Variants in OR51B5 observed in about 807,000 individuals in gnomAD.
The protein encoded by OR51B5 is olfactory receptor 51B5.
For missense variants in OR51B5, 456 were observed against 374.6 expected (o/e 1.22, Z -1.79); for synonymous variants, 186 against 144.8 (o/e 1.28, Z -2.04).
chr11:5,478,161 T>A (rs920851608), intron 1 of OR51B5, among the ~76,000 whole-genome samples: 1 of 151,760 alleles, frequency 6.6e-6, no homozygotes, highest in Non-Finnish European at 1.5e-5. Context: ...CAGCTGGAGA[T>A]CTGAGAACGG....
At chr11:5,481,840 T>C (rs1237921994) in intron 1 of OR51B5, among the ~76,000 whole-genome samples, 1 of 139,480 alleles carries the variant, frequency 7.2e-6, no homozygotes, top group Non-Finnish European at 1.5e-5. Flanking sequence ...AAACCACTGC[T>C]CAAGGAAATA....
chr11:5,451,451 A>C (rs1850846753), intron 1 of OR51B5, among the ~76,000 whole-genome samples: 1 of 152,226 alleles, frequency 6.6e-6, no homozygotes, highest in South Asian at 2.1e-4. Flanking sequence ...GACAAACATC[A>C]GTTCTGGATC....
At chr11:5,473,542 A>G (rs1851260656) in intron 1 of OR51B5, among the ~76,000 whole-genome samples, 1 of 152,216 alleles carries the variant, frequency 6.6e-6, no homozygotes, top group South Asian at 2.1e-4. Context: ...TGTGAGAACA[A>G]TATTTATTTA....
Position 5,492,370 on chromosome 11 carries a change from A to G in OR51B5, n.84+13199T>C, listed in dbSNP as rs140881567. ...CTTCCATCTCACTCCATGTTATTTG[A>G]CTTTATTGTGATGTGCTAACAATGG... is the stretch of plus-strand genomic sequence containing the variant. On this transcript the variant is annotated intron_variant and non_coding_transcript_variant, in intron 1 of 4. Coordinates refer to the OR51B5 transcript ENST00000415970. 5.6e-3 allele frequency among the ~76,000 whole-genome samples: 846 copies of G among 152,216 alleles called. 10 individuals are homozygous for G. The highest frequency in any genetic ancestry group is 0.019 in the African/African-American group (796 of 41,526).
At chr11:5,343,705 T>C (rs1226922197), upstream of OR51B5, 2 of 505,482 alleles carry the variant, frequency 4.0e-6, no homozygotes, top group African/African-American at 1.9e-5. Flanking sequence ...ACTATTTGTA[T>C]TCTTAACTGC....
At chr11:5,359,814 G>A (rs1332731590) in intron 1 of OR51B5, among the ~76,000 whole-genome samples, 2 of 151,856 alleles carry the variant, frequency 1.3e-5, no homozygotes, top group Admixed American at 6.6e-5. Context: ...CAATGGAACA[G>A]AACAGAGGCC....
intron 1 of OR51B5, among the ~76,000 whole-genome samples, chr11:5,371,260 G>T (rs547019044): frequency 3.7e-4 from 56 of 152,204 alleles, no homozygotes; most frequent in African/African-American, 1.3e-3. Context: ...CGGATCTAGG[G>T]TCTTTCACAT....
At chr11:5,497,701 A>G (rs1851669577) in intron 1 of OR51B5, among the ~76,000 whole-genome samples, 1 of 152,280 alleles carries the variant, frequency 6.6e-6, no homozygotes. Context: ...ACAGAACATA[A>G]AGACAACTAC....
At chr11:5,358,276 A>T (rs1318079041) in intron 1 of OR51B5, among the ~76,000 whole-genome samples, 1 of 151,630 alleles carries the variant, frequency 6.6e-6, no homozygotes, top group African/African-American at 2.4e-5. Context: ...AGAGAGAAGA[A>T]TCAAATAGAT....
intron 1 of OR51B5, among the ~76,000 whole-genome samples, chr11:5,402,423 ATGG>A (rs1849984717): frequency 6.6e-6 from 1 of 152,198 alleles, no homozygotes; most frequent in Admixed American, 6.5e-5. Context: ...AAATTTCTTG[ATGG>A]TGGTCATTTG....
chr11:5,451,393 A>G (rs1381420408), intron 1 of OR51B5, among the ~76,000 whole-genome samples: 4 of 152,202 alleles, frequency 2.6e-5, no homozygotes, highest in African/African-American at 9.7e-5. Flanking sequence ...TACTTTCTAC[A>G]AGACTTTATA....
chr11:5,415,128 A>G lies in OR51B5; in HGVS notation n.85-68218T>C, dbSNP rs1850219933. 2.6e-5 allele frequency among the ~76,000 whole-genome samples: 4 copies of G among 152,206 alleles called. No individual in the cohort carries two copies. In the South Asian group the frequency reaches 6.2e-4, roughly 24 times the overall value. On this transcript the variant is annotated intron_variant and non_coding_transcript_variant, in intron 1 of 4. Coordinates refer to the OR51B5 transcript ENST00000415970. ...AACTCAGCATTAAGAAACTCACTCA[A>G]AACCACTCAACTACATGGAAACTGA...
chr11:5,349,673 A>G (rs1849045717), intron 1 of OR51B5, among the ~76,000 whole-genome samples: 1 of 152,152 alleles, frequency 6.6e-6, no homozygotes, highest in Non-Finnish European at 1.5e-5. Flanking sequence ...TACAATTTTT[A>G]TTTGCCATAC....
intron 1 of OR51B5, among the ~76,000 whole-genome samples, chr11:5,437,855 G>A (rs1037274875): frequency 6.6e-6 from 1 of 152,172 alleles, no homozygotes; most frequent in East Asian, 1.9e-4. Flanking sequence ...GAGTGAGGGT[G>A]TATTGAGAGA....
chr11:5,412,457 C>T (rs555878697), intron 1 of OR51B5, among the ~76,000 whole-genome samples: 44 of 152,232 alleles, frequency 2.9e-4, no homozygotes, highest in Admixed American at 1.6e-3. Context: ...GTGGGTGCAG[C>T]GTACTGTGCG....
intron 1 of OR51B5, among the ~76,000 whole-genome samples, chr11:5,406,328 T>C: frequency 6.6e-6 from 1 of 152,162 alleles, no homozygotes; most frequent in East Asian, 1.9e-4. Flanking sequence ...GTAATGCTCC[T>C]CCCAATTCTA....
At chr11:5,489,225 T>C in intron 1 of OR51B5, 1 of 1,614,020 alleles carries the variant, frequency 6.2e-7, no homozygotes, top group Non-Finnish European at 8.5e-7. Context: ...CCTACTGTGG[T>C]CACCGTGTCA....
At chr11:5,462,027 A>G (rs767706126) in intron 1 of OR51B5, among the ~76,000 whole-genome samples, 2 of 152,170 alleles carry the variant, frequency 1.3e-5, no homozygotes, top group Non-Finnish European at 2.9e-5. Context: ...TTGTACTTCT[A>G]TTTTTTAGGC....
downstream of OR51B5, among the ~76,000 whole-genome samples, chr11:5,341,794 C>A (rs183462198): frequency 6.6e-6 from 1 of 152,138 alleles, no homozygotes; most frequent in Admixed American, 6.5e-5. Context: ...AGTCAGCCAG[C>A]GTAGATATCT....
Sources: gnomAD v4.1 joint callset for allele counts (sites outside exome capture counted in the v4.1 genomes callset) on GRCh38, gnomAD v4.1.1 for gene constraint, MANE v1.5 for transcripts, NCBI Gene and HGNC (gene_info 2026-07-23, HGNC 2026-07-21) for gene names.